Variants in EYA3 observed in about 807,000 individuals in gnomAD.
EYA3 encodes the protein EYA transcriptional coactivator and phosphatase 3, also known as protein phosphatase EYA3.
Under a neutral mutation model 80.0 loss-of-function variants are expected in EYA3, and 39 were observed. The observed-to-expected ratio is 0.49, with a 90% CI of 0.38 to 0.64. The LOEUF (loss-of-function observed/expected upper bound fraction) is 0.64. EYA3 is among the 30% of genes least tolerant of loss of function. The probability of loss-of-function intolerance (pLI) is 0.00; values close to 1 mark genes in which losing one functional copy is unlikely to be tolerated. For synonymous variants in EYA3, 206 were observed against 232.8 expected (o/e 0.88, Z 1.05); for missense variants, 523 against 676.1 (o/e 0.77, Z 2.51).
chr1:27,986,092 G>A (rs919988437), intron 16 of EYA3, among the ~76,000 whole-genome samples: 1 of 151,984 alleles, frequency 6.6e-6, no homozygotes, highest in Non-Finnish European at 1.5e-5. Flanking sequence ...TTGGCGAGGT[G>A]CGGTGGCTCA....
rs1641658646 is a variant in EYA3 at position 28,011,049 on chromosome 1, T to C, written c.807A>G (p.Thr269=). The change falls in exon 10 of 18, where the codon ACA becomes ACG. Residue 269 remains threonine (T), a synonymous_variant. Transcript: ENST00000373871. ...PSTSPSLSQT[T]PSKDTDDQSR... Reference sequence around the variant, plus strand: ...ACTGATCATCAGTATCTTTACTTGGTGTAGTCTGGGACAAAGATGGACTTG... The same window carrying C: ...ACTGATCATCAGTATCTTTACTTGGCGTAGTCTGGGACAAAGATGGACTTG... 2 of 1,613,982 alleles carry C rather than the reference T, an allele frequency of 1.2e-6. No homozygotes were observed. Among genetic ancestry groups the C allele is most frequent in the Non-Finnish European group, 1.7e-6 (2 of 1,179,950 alleles).
intron 5 of EYA3, among the ~76,000 whole-genome samples, chr1:28,036,543 C>A (rs1309272022): frequency 6.6e-6 from 1 of 152,118 alleles, no homozygotes; most frequent in East Asian, 1.9e-4. Context: ...CAAAACAGAA[C>A]CCAGGTAAGT....
chr1:28,082,467 T>A (rs1013891631), intron 1 of EYA3, among the ~76,000 whole-genome samples: 1 of 152,128 alleles, frequency 6.6e-6, no homozygotes, highest in African/African-American at 2.4e-5. Context: ...GAAAGTAATT[T>A]GTTTGTGAAA....
Position 27,971,463 on chromosome 1 carries a change from G to A in EYA3, c.*3003C>T. ...ACAAAAATTAGCCAGGCGTGGTGGTGGGCGCCTGTAATCTCAGCTAATCAG... is the reference window on the plus strand; with the variant it reads ...ACAAAAATTAGCCAGGCGTGGTGGTAGGCGCCTGTAATCTCAGCTAATCAG... On this transcript the variant is annotated 3_prime_UTR_variant, in exon 18 of 18. Coordinates refer to ENST00000373871, the MANE Select transcript of EYA3 (RefSeq NM_001990.4). 1 of 152,270 alleles carries A rather than the reference G, an allele frequency of 6.6e-6. No individual in the cohort carries two copies. Among genetic ancestry groups the A allele is most frequent in the South Asian group, 2.1e-4 (1 of 4,818 alleles). The allele number at this position is 152,270 out of a possible 1,614,324, so 9.4% of individuals were successfully genotyped here.
intron 6 of EYA3, among the ~76,000 whole-genome samples, chr1:28,032,700 T>A (rs1355766101): frequency 2.6e-5 from 4 of 152,210 alleles, no homozygotes; most frequent in African/African-American, 4.8e-5. Flanking sequence ...ACCCCATTTG[T>A]ATACAGCTCT....
intron 16 of EYA3, among the ~76,000 whole-genome samples, chr1:27,985,253 C>CA (rs112572613): frequency 0.026 from 3,339 of 126,216 alleles, 103 homozygotes; most frequent in African/African-American, 0.073. Flanking sequence ...AATTAAAAAA[C>CA]AAAAAAAACA....
intron 6 of EYA3, among the ~76,000 whole-genome samples, chr1:28,033,667 TTA>T (rs1553149950): frequency 1.3e-5 from 2 of 148,308 alleles, no homozygotes; most frequent in Non-Finnish European, 1.5e-5. Flanking sequence ...ATTATTATTA[TTA>T]TTTTTGAGAC....
chr1:28,011,016 T>C lies in EYA3; in HGVS notation c.840A>G (p.Lys280=). 6.2e-7 allele frequency: 1 copy of C among 1,614,136 alleles called. No individual in the cohort carries two copies. The highest frequency in any genetic ancestry group is 8.5e-7 in the Non-Finnish European group (1 of 1,180,006). Residue 280 remains lysine, a synonymous_variant, in exon 10 of 18, where the codon AAA becomes AAG. Transcript: ENST00000373871. The stretch of plus-strand genomic sequence containing the variant: ...TGCCCCGGTTCTTGCTAGTCATGTT[T>C]TTCCTGGACTGATCATCAGTATCTT... ...PSKDTDDQSR[K]NMTSKNRGKR...
chr1:27,979,397 C>T (rs1000697386), intron 16 of EYA3, among the ~76,000 whole-genome samples: 1 of 152,144 alleles, frequency 6.6e-6, no homozygotes, highest in Non-Finnish European at 1.5e-5. Context: ...ATATCTGGAA[C>T]CTCCTTACTT....
intron 1 of EYA3, among the ~76,000 whole-genome samples, chr1:28,080,073 T>C (rs1476331107): frequency 6.6e-6 from 1 of 152,230 alleles, no homozygotes; most frequent in Non-Finnish European, 1.5e-5. Context: ...CTAATCATTC[T>C]AATGTATTCC....
intron 1 of EYA3, among the ~76,000 whole-genome samples, chr1:28,075,227 T>C (rs1645159842): frequency 6.6e-6 from 1 of 152,188 alleles, no homozygotes; most frequent in South Asian, 2.1e-4. Context: ...CCTTCTAGAT[T>C]CCCAGAAATA....
intron 13 of EYA3, among the ~76,000 whole-genome samples, chr1:27,994,967 A>G (rs12130974): frequency 0.029 from 4,207 of 144,100 alleles, 118 homozygotes; most frequent in African/African-American, 0.076. Context: ...GTCTCTTTGG[A>G]AAAAAAAAAA....
chr1:28,066,725 A>C (rs535703158), intron 1 of EYA3, among the ~76,000 whole-genome samples: 33 of 152,298 alleles, frequency 2.2e-4, no homozygotes, highest in Non-Finnish European at 4.1e-4. Context: ...TGAAAAAAAC[A>C]AATCTAAGAT....
At chr1:28,001,128 G>T (rs1640809257) in intron 11 of EYA3, among the ~76,000 whole-genome samples, 1 of 149,182 alleles carries the variant, frequency 6.7e-6, no homozygotes, top group African/African-American at 2.4e-5. Flanking sequence ...ATTTATATAA[G>T]ATATATACAT....
In EYA3 at chr1:27,988,653, C is replaced by A; in HGVS notation, c.1422G>T (p.Lys474Asn). ...TAGTGATCAGAACATTCACACAATT[C>A]TTTCTATAAGGGAGTAAAAGGGAAA... is the stretch of plus-strand genomic sequence containing the variant. Reference protein sequence around the residue: ...LKSLLLIQSRKNCVNVLITTT... With the variant: ...LKSLLLIQSRNNCVNVLITTT... Residue 474 changes from lysine (K) to asparagine (N), a missense_variant, in exon 16 of 18, where the codon AAG becomes AAT. This residue lies in a region of EYA3 where 219 missense variants were observed against 332.8 expected (regional missense o/e 0.66). Transcript: ENST00000373871. The A allele has an allele frequency of 6.2e-7, 1 of 1,613,702 alleles. No individual in the cohort carries two copies. The highest frequency in any genetic ancestry group is 8.5e-7 in the Non-Finnish European group (1 of 1,179,900).
chr1:27,998,247 G>A, intron 12 of EYA3: 1 of 861,454 alleles, frequency 1.2e-6, no homozygotes, highest in Non-Finnish European at 1.4e-6. Context: ...AGCTCCCCAG[G>A]TGATTCTTAT....
At chr1:28,005,744 A>C (rs560600520) in intron 10 of EYA3, among the ~76,000 whole-genome samples, 2 of 151,882 alleles carry the variant, frequency 1.3e-5, no homozygotes, top group South Asian at 2.1e-4. Flanking sequence ...AAAAACCCCC[A>C]AAAAACCACA....
At chr1:28,064,170 C>T (rs990484441) in intron 1 of EYA3, among the ~76,000 whole-genome samples, 1 of 152,084 alleles carries the variant, frequency 6.6e-6, no homozygotes, top group Non-Finnish European at 1.5e-5. Flanking sequence ...TTTAGTTATA[C>T]ATTTTTCACG....
At chr1:28,043,330 GAAAAA>G (rs59720447) in intron 3 of EYA3, among the ~76,000 whole-genome samples, 2 of 125,130 alleles carry the variant, frequency 1.6e-5, no homozygotes, top group Admixed American at 8.1e-5. Context: ...GCTTTTTTGT[GAAAAA>G]AAAAAAAAAA....
Sources: gnomAD v4.1 joint callset for allele counts (sites outside exome capture counted in the v4.1 genomes callset) on GRCh38, gnomAD v4.1.1 for gene constraint, gnomAD v4.1.1 regional missense constraint, MANE v1.5 for transcripts, NCBI Gene and HGNC (gene_info 2026-07-23, HGNC 2026-07-21) for gene names.